NBEA: variants seen among roughly 807,000 people sequenced by gnomAD.
NBEA encodes the protein lysosomal-trafficking regulator 2.
NBEA carries 44 observed loss-of-function variants against 343.4 expected under a neutral mutation model. The observed-to-expected ratio is 0.13, with a 90% CI of 0.10 to 0.16. NBEA has a LOEUF of 0.16. NBEA is among the 10% of genes least tolerant of loss of function. NBEA has a pLI of 1.00. For missense variants in NBEA, 2,555 were observed against 3,631.3 expected (o/e 0.70, Z 7.62); for synonymous variants, 1,175 against 1,238.7 (o/e 0.95, Z 1.08).
At chr13:35,424,194 G>A (rs1471044616) in intron 38 of NBEA, among the ~76,000 whole-genome samples, 1 of 152,128 alleles carries the variant, frequency 6.6e-6, no homozygotes, top group East Asian at 1.9e-4. Context: ...TTGTTGAATA[G>A]GAGTGGTGAG....
At chr13:34,960,924 A>G (rs1443374205) in intron 1 of NBEA, among the ~76,000 whole-genome samples, 2 of 152,144 alleles carry the variant, frequency 1.3e-5, no homozygotes, top group Non-Finnish European at 2.9e-5. Context: ...AAACTAATAT[A>G]TTTTAGTTAC....
At chr13:35,079,144 A>G (rs990332957) in intron 10 of NBEA, among the ~76,000 whole-genome samples, 1 of 152,214 alleles carries the variant, frequency 6.6e-6, no homozygotes, top group Non-Finnish European at 1.5e-5. Context: ...CATTGAGACA[A>G]TACTATCAGA....
At chr13:34,980,383 G>T (rs2060316905) in intron 1 of NBEA, among the ~76,000 whole-genome samples, 1 of 151,322 alleles carries the variant, frequency 6.6e-6, no homozygotes, top group Non-Finnish European at 1.5e-5. Flanking sequence ...ATTTCTTCCA[G>T]CAATGTTTTC....
At chr13:35,193,945 TTGAA>T (rs1435678722) in intron 30 of NBEA, among the ~76,000 whole-genome samples, 6 of 152,088 alleles carry the variant, frequency 3.9e-5, no homozygotes, top group Non-Finnish European at 8.8e-5. Flanking sequence ...ATTAGGAATA[TTGAA>T]TAATATGAGG....
chr13:35,060,520 A>T (rs1352645364), intron 8 of NBEA, among the ~76,000 whole-genome samples: 5 of 151,754 alleles, frequency 3.3e-5, no homozygotes, highest in Non-Finnish European at 7.4e-5. Flanking sequence ...CTTTTAAGAG[A>T]TATACTTGTA....
chr13:35,141,501 G>A (rs1245069534), intron 17 of NBEA, among the ~76,000 whole-genome samples: 4 of 152,068 alleles, frequency 2.6e-5, no homozygotes, highest in South Asian at 2.1e-4. Context: ...TTCTGACCTC[G>A]TGATCCACCC....
intron 1 of NBEA, among the ~76,000 whole-genome samples, chr13:34,959,734 A>G (rs1229719427): frequency 6.6e-6 from 1 of 152,064 alleles, no homozygotes; most frequent in African/African-American, 2.4e-5. Flanking sequence ...CACATATACA[A>G]TGGTGGTCCC....
chr13:35,643,970 G>A (rs2084095097), intron 49 of NBEA, among the ~76,000 whole-genome samples: 2 of 152,160 alleles, frequency 1.3e-5, no homozygotes, highest in African/African-American at 4.8e-5. Context: ...GATAGTAGGT[G>A]CTCACTCTCC....
chr13:34,999,397 C>T (rs189657916), intron 1 of NBEA, among the ~76,000 whole-genome samples: 103 of 152,046 alleles, frequency 6.8e-4, no homozygotes, highest in Middle Eastern at 6.8e-3. Flanking sequence ...CTCTCTTTAC[C>T]CCCTTACCTG....
chr13:35,308,421 C>A (rs2037045324), intron 35 of NBEA, among the ~76,000 whole-genome samples: 1 of 127,004 alleles, frequency 7.9e-6, no homozygotes, highest in Non-Finnish European at 1.6e-5. Flanking sequence ...ATTTTCAATC[C>A]AAAACACTGC....
chr13:35,202,245 A>G (rs538752778), intron 31 of NBEA, among the ~76,000 whole-genome samples: 2 of 152,246 alleles, frequency 1.3e-5, no homozygotes, highest in African/African-American at 4.8e-5. Flanking sequence ...TCCTGGGCAT[A>G]ACTCTGACCA....
intron 53 of NBEA, among the ~76,000 whole-genome samples, chr13:35,652,783 C>T (rs1366079850): frequency 1.4e-5 from 2 of 147,584 alleles, no homozygotes; most frequent in African/African-American, 2.5e-5. Context: ...CAACCTCCGC[C>T]TCCCGGGTTC....
intron 18 of NBEA, among the ~76,000 whole-genome samples, chr13:35,146,968 G>A (rs2068468054): frequency 6.6e-6 from 1 of 152,162 alleles, no homozygotes; most frequent in South Asian, 2.1e-4. Context: ...GCAAGCATCA[G>A]TATGGGGGTC....
intron 1 of NBEA, among the ~76,000 whole-genome samples, chr13:35,007,455 C>G (rs1007700245): frequency 6.6e-6 from 1 of 152,024 alleles, no homozygotes; most frequent in Non-Finnish European, 1.5e-5. Flanking sequence ...TTATACTCTT[C>G]TATGGTTTTT....
At chr13:35,450,321 A>AT (rs1311766433) in intron 39 of NBEA, among the ~76,000 whole-genome samples, 1 of 151,926 alleles carries the variant, frequency 6.6e-6, no homozygotes, top group African/African-American at 2.4e-5. Flanking sequence ...AAAAAAAAAA[A>AT]AATAACAATA....
At chr13:35,516,242 G>C (rs1462500299) in intron 41 of NBEA, among the ~76,000 whole-genome samples, 2 of 152,158 alleles carry the variant, frequency 1.3e-5, no homozygotes, top group Non-Finnish European at 2.9e-5. Context: ...TTCAGGAAAG[G>C]TAACAAAGGA....
intron 1 of NBEA, among the ~76,000 whole-genome samples, chr13:35,019,290 TTTTTTTG>T (rs1376891117): frequency 2.0e-5 from 3 of 151,824 alleles, no homozygotes; most frequent in South Asian, 2.1e-4. Flanking sequence ...TCATTAAATT[TTTTTTTG>T]TTTTTTGTTT....
chr13:35,094,559 T>TA (rs1190903467), intron 10 of NBEA, among the ~76,000 whole-genome samples: 4 of 152,046 alleles, frequency 2.6e-5, no homozygotes, highest in Non-Finnish European at 5.9e-5. Flanking sequence ...ATTTAACTCT[T>TA]ACAACTTATT....
At chr13:35,376,378 G>T (rs895728513) in intron 38 of NBEA, among the ~76,000 whole-genome samples, 2 of 148,476 alleles carry the variant, frequency 1.3e-5, no homozygotes, top group African/African-American at 5.3e-5. Context: ...TATAGTTTAA[G>T]GGTCTGTAAA....
Sources: allele counts gnomAD v4.1 joint callset (sites outside exome capture counted in the v4.1 genomes callset), GRCh38; gene constraint gnomAD v4.1.1; transcripts MANE v1.5; gene names NCBI Gene and HGNC (gene_info 2026-07-23, HGNC 2026-07-21).